VPS35L: variants seen among roughly 807,000 people sequenced by gnomAD.
VPS35L encodes VPS35 endosomal protein-sorting factor-like.
In VPS35L, 83 loss-of-function variants were observed where a neutral mutation model predicts 133.0. The observed-to-expected ratio is 0.62, with a 90% CI of 0.52 to 0.75. The LOEUF (loss-of-function observed/expected upper bound fraction) is 0.75. Among genes scored for constraint, VPS35L ranks in the 30% least tolerant of loss-of-function variants. The pLI, the probability that VPS35L is intolerant of heterozygous loss-of-function variation, is 0.00. For synonymous variants in VPS35L, 423 were observed against 449.9 expected, an observed-to-expected ratio of 0.94 and a Z score of 0.76; for missense variants, 1,083 against 1,206.8, an observed-to-expected ratio of 0.90 and a Z score of 1.52.
intron 8 of VPS35L, among the ~76,000 whole-genome samples, chr16:19,595,333 T>C (rs1422631352): frequency 6.6e-6 from 1 of 152,044 alleles, no homozygotes; most frequent in Non-Finnish European, 1.5e-5. Flanking sequence ...GTGGAGATGG[T>C]GAGGAGAGAC....
At chr16:19,601,977 T>C (rs1358674212) in intron 9 of VPS35L, among the ~76,000 whole-genome samples, 3 of 151,918 alleles carry the variant, frequency 2.0e-5, no homozygotes, top group Non-Finnish European at 4.4e-5. Flanking sequence ...AGCCAAACTT[T>C]CACACGAACA....
At position 19,622,140 on chromosome 16, in the gene VPS35L, CTTTTT is replaced by C. The variant is rs60521137; in HGVS notation, c.1225-4019_1225-4015del. Among the ~76,000 whole-genome samples, 17 of 107,920 alleles carry C rather than the reference CTTTTT, an allele frequency of 1.6e-4. 2 individuals are homozygous for C. The East Asian group carries it at 4.6e-3, about 29-fold the overall frequency. 70.8% of individuals were successfully genotyped at this position (107,920 alleles called of 152,430 possible). A position where few individuals can be genotyped will look rare whatever the true frequency, so the allele number is the denominator to read the frequency against. ...TTGATTCCAGGATCTCCATGTATAT[CTTTTT>C]TTTTTTTTTTTTTTTTTAAGACGGA... On this transcript the variant is annotated intron_variant, in intron 14 of 30. Coordinates refer to ENST00000417362, the MANE Select transcript of VPS35L (RefSeq NM_020314.7).
At chr16:19,666,973 T>G (rs1196048957) in intron 26 of VPS35L, among the ~76,000 whole-genome samples, 1 of 113,004 alleles carries the variant, frequency 8.8e-6, no homozygotes, top group Non-Finnish European at 1.7e-5. Context: ...TCTTCCTTTC[T>G]TCCTTTCTTT....
intron 26 of VPS35L, among the ~76,000 whole-genome samples, chr16:19,668,186 C>A (rs965870450): frequency 3.9e-5 from 6 of 152,152 alleles, no homozygotes; most frequent in Admixed American, 2.6e-4. Context: ...ATGCTGTTCA[C>A]CCCTACAGTG....
rs923597532 is a variant in VPS35L, at chr16:19,700,303, T to C, written c.2794-75T>C. 1.4e-5 allele frequency: 18 copies of C among 1,301,512 alleles called. No individual in the cohort carries two copies. The African/African-American group carries it at 2.5e-4, about 18-fold the overall frequency. 80.6% of individuals were successfully genotyped at this position (1,301,512 alleles called of 1,614,324 possible). A position where few individuals can be genotyped will look rare whatever the true frequency, so the allele number is the denominator to read the frequency against. On this transcript the variant is annotated intron_variant, in intron 30 of 30. Transcript: ENST00000417362. ...TGCTAAGAAATCTAAGCTCACATAATGGCTGATTCATTAGAGCCTTGGGCT... is the reference window on the plus strand; with the variant it reads ...TGCTAAGAAATCTAAGCTCACATAACGGCTGATTCATTAGAGCCTTGGGCT...
intron 14 of VPS35L, among the ~76,000 whole-genome samples, chr16:19,619,517 C>T (rs953174799): frequency 2.6e-5 from 4 of 151,988 alleles, no homozygotes; most frequent in Admixed American, 6.6e-5. Flanking sequence ...TTCCACTGAA[C>T]GACGGAAACA....
At position 19,577,002 on chromosome 16, in the gene VPS35L, C is replaced by T. The variant is rs182425831; in HGVS notation, c.433+1880C>T. Reference sequence around the variant, plus strand: ...GATTACAGGTGTGAGCTACCACGCCCAGCTTGTTATGGACAGAATTTTGAT... The same window carrying T: ...GATTACAGGTGTGAGCTACCACGCCTAGCTTGTTATGGACAGAATTTTGAT... On this transcript the variant is annotated intron_variant, in intron 5 of 30. Coordinates refer to ENST00000417362, the MANE Select transcript of VPS35L (RefSeq NM_020314.7). Among the ~76,000 whole-genome samples the T allele has an allele frequency of 3.0e-4, 45 of 152,272 alleles. 1 individual carries two copies. In the East Asian group the frequency reaches 7.5e-3, roughly 26 times the overall value.
At chr16:19,656,910 A>C (rs1974320776) in intron 26 of VPS35L, among the ~76,000 whole-genome samples, 1 of 151,990 alleles carries the variant, frequency 6.6e-6, no homozygotes, top group South Asian at 2.1e-4. Context: ...CGGTTCCTCC[A>C]AAGCTGAAAC....
intron 14 of VPS35L, among the ~76,000 whole-genome samples, chr16:19,624,069 G>A (rs1454210971): frequency 6.8e-6 from 1 of 146,322 alleles, no homozygotes; most frequent in Non-Finnish European, 1.5e-5. Context: ...CTCTCAAAGT[G>A]CTGGGATTAC....
chr16:19,642,579 T>G, intron 22 of VPS35L, 103 bp downstream of exon 22: 1 of 932,982 alleles, frequency 1.1e-6, no homozygotes, highest in Non-Finnish European at 1.6e-6. Flanking sequence ...TGAATAATAT[T>G]ACTTTATTGG....
chr16:19,615,968 A>AAATAATAATAATAATAATAATAATAAT (rs10683142), intron 12 of VPS35L, 146 bp from the exon 13 acceptor site: 17 of 255,282 alleles, frequency 6.7e-5, no homozygotes, highest in African/African-American at 4.2e-4. Context: ...CTCCATCTCA[A>AAATAATAATAATAATAATAATAATAAT]AATAATAATA....
At chr16:19,589,571 G>T (rs1971976428) in intron 7 of VPS35L, among the ~76,000 whole-genome samples, 1 of 152,124 alleles carries the variant, frequency 6.6e-6, no homozygotes, top group Non-Finnish European at 1.5e-5. Flanking sequence ...ACACATACCT[G>T]GGTTACCTGA....
At chr16:19,578,380 A>G in intron 5 of VPS35L, 2 of 430,566 alleles carry the variant, frequency 4.6e-6, no homozygotes, top group South Asian at 3.4e-5. Flanking sequence ...TCTCAAAAAA[A>G]AAAAAATGCT....
intron 26 of VPS35L, among the ~76,000 whole-genome samples, chr16:19,660,556 A>G (rs1295441786): frequency 6.6e-6 from 1 of 152,128 alleles, no homozygotes; most frequent in Non-Finnish European, 1.5e-5. Flanking sequence ...GACCTAATGC[A>G]TTATTGAAAA....
chr16:19,606,908 C>T (rs8055980), intron 9 of VPS35L, among the ~76,000 whole-genome samples: 4,046 of 152,268 alleles, frequency 0.027, 174 homozygotes, highest in African/African-American at 0.089. Flanking sequence ...CCTCAGCCTT[C>T]CAAGTAGCTG....
intron 2 of VPS35L, among the ~76,000 whole-genome samples, chr16:19,567,199 T>G (rs958161792): frequency 1.3e-5 from 2 of 152,222 alleles, no homozygotes; most frequent in Non-Finnish European, 2.9e-5. Flanking sequence ...AGCTTTAGGC[T>G]AAACTTGATT....
At chr16:19,592,604 G>A (rs924144368) in intron 8 of VPS35L, among the ~76,000 whole-genome samples, 1 of 151,730 alleles carries the variant, frequency 6.6e-6, no homozygotes, top group African/African-American at 2.4e-5. Flanking sequence ...TCCCCCACAT[G>A]CCCATGTCCA....
intron 7 of VPS35L, among the ~76,000 whole-genome samples, chr16:19,584,862 T>C (rs1971816880): frequency 6.6e-6 from 1 of 151,940 alleles, no homozygotes; most frequent in African/African-American, 2.4e-5. Flanking sequence ...CAGCCTATTT[T>C]TGTCTTTTTG....
intron 11 of VPS35L, among the ~76,000 whole-genome samples, chr16:19,609,735 G>A (rs1204445377): frequency 1.3e-5 from 2 of 152,136 alleles, no homozygotes; most frequent in African/African-American, 4.8e-5. Context: ...CAAGTGTGTT[G>A]GATTTGGATC....
Sources: gnomAD v4.1 joint callset for allele counts (sites outside exome capture counted in the v4.1 genomes callset) on GRCh38, gnomAD v4.1.1 for gene constraint, MANE v1.5 for transcripts, NCBI Gene and HGNC (gene_info 2026-07-23, HGNC 2026-07-21) for gene names.